The following ADGB variants were observed in gnomAD, a reference collection of about 807,000 sequenced individuals.
The protein encoded by ADGB is calpain-7-like protein.
Under a neutral mutation model 210.5 loss-of-function variants are expected in ADGB, and 172 were observed. The ratio of observed to expected loss-of-function variants is 0.82; its 90% CI spans 0.72 to 0.93. ADGB has a LOEUF of 0.93. Ranked by LOEUF, ADGB falls within the 40% of genes least tolerant of loss-of-function variation. The probability of loss-of-function intolerance (pLI) is 0.00; values close to 1 mark genes in which losing one functional copy is unlikely to be tolerated. For missense variants in ADGB, 2,025 were observed against 1,964.8 expected, an observed-to-expected ratio of 1.03 and a Z score of -0.58; for synonymous variants, 658 against 662.7, an observed-to-expected ratio of 0.99 and a Z score of 0.11.
intron 1 of ADGB, among the ~76,000 whole-genome samples, chr6:146,602,156 T>A (rs1780565608): frequency 6.6e-6 from 1 of 152,226 alleles, no homozygotes; most frequent in Non-Finnish European, 1.5e-5. Context: ...ATGAAATCAC[T>A]ATTCTAGGGT....
chr6:146,733,761 A>T, intron 21 of ADGB, 132 bp from the exon 22 acceptor site: 1 of 983,310 alleles, frequency 1.0e-6, no homozygotes, highest in Middle Eastern at 2.1e-4. Flanking sequence ...AGAGCCGGCA[A>T]TATTAAATAT....
At chr6:146,747,136 A>G (rs1288707016) in intron 26 of ADGB, among the ~76,000 whole-genome samples, 1 of 152,192 alleles carries the variant, frequency 6.6e-6, no homozygotes, top group Non-Finnish European at 1.5e-5. Context: ...TATTTTCAAT[A>G]TAGGACCTAA....
intron 3 of ADGB, among the ~76,000 whole-genome samples, chr6:146,651,796 G>C (rs754244522): frequency 2.6e-5 from 4 of 152,110 alleles, no homozygotes; most frequent in Non-Finnish European, 4.4e-5. Flanking sequence ...GCATGGAGAT[G>C]CCTGGTGGGA....
Position 146,740,568 on chromosome 6 carries a change from C to T in ADGB, c.2998C>T (p.Pro1000Ser). The T allele has an allele frequency of 6.4e-7, 1 of 1,550,716 alleles. No homozygotes were observed. Among genetic ancestry groups the T allele is most frequent in the African/African-American group, 1.4e-5 (1 of 73,112 alleles). The change falls in exon 24 of 36, where the codon CCA becomes TCA. Residue 1000 changes from proline to serine, a missense_variant. Coordinates refer to ENST00000397944, the MANE Select transcript of ADGB (RefSeq NM_024694.4). The stretch of plus-strand genomic sequence containing the variant: ...TACTGTGACTTATCAAGAACAGCCA[C>T]CAAATTCTTGGTTTATAGTATTCAG... Reference protein sequence around the residue: ...DYTVTYQEQPPNSWFIVFRET... With the variant: ...DYTVTYQEQPSNSWFIVFRET...
intron 11 of ADGB, among the ~76,000 whole-genome samples, chr6:146,692,170 T>G (rs1776338883): frequency 6.6e-6 from 1 of 152,204 alleles, no homozygotes; most frequent in Non-Finnish European, 1.5e-5. Context: ...CTGTGTACAG[T>G]CAAAGAAAAT....
At chr6:146,693,748 C>G (rs181461491) in intron 12 of ADGB, among the ~76,000 whole-genome samples, 1 of 152,070 alleles carries the variant, frequency 6.6e-6, no homozygotes, top group Non-Finnish European at 1.5e-5. Flanking sequence ...GAAGCCACGC[C>G]GCACTTTCAA....
chr6:146,773,298 AC>A (rs372601643), intron 29 of ADGB, among the ~76,000 whole-genome samples: 265 of 152,234 alleles, frequency 1.7e-3, no homozygotes, highest in African/African-American at 6.0e-3. Context: ...AAAAGATCGT[AC>A]ATACCAATTA....
At chr6:146,725,873 C>T in intron 18 of ADGB, 2 of 418,850 alleles carry the variant, frequency 4.8e-6, no homozygotes, top group Non-Finnish European at 8.7e-6. Context: ...CTATTTTTGT[C>T]CTACATAATA....
intron 33 of ADGB, among the ~76,000 whole-genome samples, chr6:146,798,012 G>A (rs1196317895): frequency 6.7e-6 from 1 of 149,866 alleles, no homozygotes; most frequent in Admixed American, 6.6e-5. Flanking sequence ...TAGGCCTAAA[G>A]AAAGAAGGAA....
intron 2 of ADGB, among the ~76,000 whole-genome samples, chr6:146,641,977 A>G (rs1775523083): frequency 2.0e-5 from 3 of 152,102 alleles, no homozygotes; most frequent in Admixed American, 2.0e-4. Flanking sequence ...AAACTACAGA[A>G]TGGGAGAAAA....
intron 35 of ADGB, among the ~76,000 whole-genome samples, chr6:146,809,348 T>G (rs535556437): frequency 2.6e-5 from 4 of 152,252 alleles, no homozygotes; most frequent in East Asian, 3.9e-4. Flanking sequence ...CTGGGATTAG[T>G]GGTGCAGCCA....
rs1266950256 is a variant in ADGB at position 146,785,578 on chromosome 6, C to G, written c.4213-32C>G. 1.7e-5 allele frequency: 26 copies of G among 1,525,070 alleles called. No homozygotes were observed. In the East Asian group the frequency reaches 4.9e-4, roughly 29 times the overall value. The allele number at this position is 1,525,070 out of a possible 1,614,324, so 94.5% of individuals were successfully genotyped here. ...TGTACTGGTTGTTGCTTTTGAAGAG[C>G]TTTTAAAAAGCTGCTCATGTTTGTT... is the stretch of plus-strand genomic sequence containing the variant. On this transcript the variant is annotated intron_variant, in intron 31 of 35. Coordinates refer to ENST00000397944, the MANE Select transcript of ADGB (RefSeq NM_024694.4).
intron 4 of ADGB, 113 bp downstream of exon 4, chr6:146,654,319 A>C: frequency 2.4e-6 from 1 of 423,810 alleles, no homozygotes; most frequent in Non-Finnish European, 3.9e-6. Context: ...AAGTTTTGGT[A>C]TTATATATAT....
chr6:146,741,229 G>A lies in ADGB; in HGVS notation c.3135G>A (p.Lys1045=). ...VNNDTMEQVP[K]VFQKVVPYLY... ...ATGACACAATGGAGCAAGTGCCAAA[G>A]GTGTTCCAAAAAGTGGTGCCTTATC... The change falls in exon 25 of 36, where the codon AAG becomes AAA. Residue 1045 remains lysine (K), a synonymous_variant. Transcript: ENST00000397944. 2 of 1,550,958 alleles carry A rather than the reference G, an allele frequency of 1.3e-6. No individual in the cohort carries two copies. The highest frequency in any genetic ancestry group is 1.7e-6 in the Non-Finnish European group (2 of 1,146,594).
chr6:146,618,430 C>G (rs1429408767), intron 1 of ADGB, among the ~76,000 whole-genome samples: 1 of 151,560 alleles, frequency 6.6e-6, no homozygotes, highest in East Asian at 1.9e-4. Context: ...TTGTTCTTGC[C>G]TTTCTAGTTC....
intron 7 of ADGB, among the ~76,000 whole-genome samples, chr6:146,669,773 G>C (rs556957745): frequency 1.4e-4 from 21 of 152,072 alleles, no homozygotes; most frequent in Admixed American, 9.8e-4. Flanking sequence ...TTTATGCCTG[G>C]TCACCATTGC....
chr6:146,803,246 C>T, intron 35 of ADGB: 1 of 1,579,070 alleles, frequency 6.3e-7, no homozygotes. Flanking sequence ...AAACTTGGAC[C>T]ATTGTTTCAT....
Position 146,801,810 on chromosome 6 carries a change from G to A in ADGB, c.4635-18G>A. ...TTCCCAAATGAAATCTGTATCTTTT[G>A]ATGACTTTTGTATCAAGGAAAACAG... On this transcript the variant is annotated intron_variant, in intron 34 of 35. Coordinates refer to ENST00000397944, the MANE Select transcript of ADGB (RefSeq NM_024694.4). 6.6e-6 allele frequency: 10 copies of A among 1,516,910 alleles called. No individual in the cohort carries two copies. The highest frequency in any genetic ancestry group is 8.9e-6 in the Non-Finnish European group (10 of 1,129,856). 94.0% of individuals were successfully genotyped at this position (1,516,910 alleles called of 1,614,324 possible).
At chr6:146,607,625 C>T (rs1409709680) in intron 1 of ADGB, among the ~76,000 whole-genome samples, 1 of 152,006 alleles carries the variant, frequency 6.6e-6, no homozygotes, top group Non-Finnish European at 1.5e-5. Flanking sequence ...TATCAAAAGC[C>T]TTTGTTTAGT....
Sources: gnomAD v4.1 joint callset for allele counts (sites outside exome capture counted in the v4.1 genomes callset) on GRCh38, gnomAD v4.1.1 for gene constraint, MANE v1.5 for transcripts, NCBI Gene and HGNC (gene_info 2026-07-23, HGNC 2026-07-21) for gene names.